The following PTPRB variants were observed in gnomAD, a reference collection of about 807,000 sequenced individuals.
PTPRB encodes receptor-type tyrosine-protein phosphatase beta.
PTPRB carries 97 observed loss-of-function variants against 238.1 expected under a neutral mutation model. The ratio of observed to expected loss-of-function variants is 0.41; its 90% CI spans 0.35 to 0.48. PTPRB has a LOEUF of 0.48. PTPRB is among the 20% of genes least tolerant of loss of function. The pLI is 0.30. For missense variants in PTPRB, 2,292 were observed against 2,681.9 expected (o/e 0.85, Z 3.21); for synonymous variants, 970 against 995.4 (o/e 0.97, Z 0.48).
intron 4 of PTPRB, among the ~76,000 whole-genome samples, chr12:70,601,873 G>A (rs576921895): frequency 2.7e-5 from 4 of 145,812 alleles, no homozygotes; most frequent in African/African-American, 1.0e-4. Flanking sequence ...CTCACTGCAA[G>A]CTCCGCCTCC....
At chr12:70,598,426 A>G (rs987071977) in intron 4 of PTPRB, among the ~76,000 whole-genome samples, 1 of 152,216 alleles carries the variant, frequency 6.6e-6, no homozygotes, top group African/African-American at 2.4e-5. Context: ...GTAATGGCAG[A>G]CAGCATGGGC....
intron 21 of PTPRB, among the ~76,000 whole-genome samples, chr12:70,545,858 T>C (rs1875879786): frequency 1.3e-5 from 2 of 152,290 alleles, no homozygotes; most frequent in South Asian, 4.2e-4. Flanking sequence ...GGAGACAGGC[T>C]GGGAGCGGTG....
At chr12:70,609,535 C>G (rs1383038429) in intron 3 of PTPRB, among the ~76,000 whole-genome samples, 196 bp from the exon 4 acceptor site, 2 of 152,204 alleles carry the variant, frequency 1.3e-5, no homozygotes, top group Non-Finnish European at 2.9e-5. Flanking sequence ...GCTGCTGTCC[C>G]TTGAGAGCAG....
chr12:70,540,748 A>T (rs1236833723), intron 23 of PTPRB, 110 bp downstream of exon 23: 9 of 813,534 alleles, frequency 1.1e-5, no homozygotes, highest in Non-Finnish European at 1.8e-5. Flanking sequence ...GTGACAATTT[A>T]ACCTGGAAAA....
intron 11 of PTPRB, among the ~76,000 whole-genome samples, chr12:70,572,775 T>TAAAAAAAAAAAAAAAAAA (rs10709963): frequency 2.8e-4 from 26 of 93,854 alleles, no homozygotes; most frequent in Non-Finnish European, 4.5e-4. Flanking sequence ...CTCCATCTCA[T>TAAAAAAAAAAAAAAAAAA]AAAAAAAAAA....
intron 21 of PTPRB, among the ~76,000 whole-genome samples, chr12:70,551,864 A>G (rs958045538): frequency 1.3e-5 from 2 of 152,050 alleles, no homozygotes; most frequent in Non-Finnish European, 2.9e-5. Flanking sequence ...AGCACTGCCA[A>G]TTCCTAGGGC....
At chr12:70,528,488 T>TCAAGGGCTGTG (rs1555220728) in intron 32 of PTPRB, among the ~76,000 whole-genome samples, 295 of 151,504 alleles carry the variant, frequency 1.9e-3, no homozygotes, top group Non-Finnish European at 2.4e-3. Context: ...TGAGAGTTGA[T>TCAAGGGCTGTG]CAAGGGCAGT....
At chr12:70,600,101 T>G (rs1325124166) in intron 4 of PTPRB, among the ~76,000 whole-genome samples, 1 of 152,092 alleles carries the variant, frequency 6.6e-6, no homozygotes, top group African/African-American at 2.4e-5. Flanking sequence ...TTTATTGATA[T>G]AGAAATGTCT....
chr12:70,603,902 C>A (rs1006812950), intron 4 of PTPRB, among the ~76,000 whole-genome samples: 1 of 152,158 alleles, frequency 6.6e-6, no homozygotes, highest in African/African-American at 2.4e-5. Context: ...ACCCCCTCCA[C>A]AGGGTTGCCA....
intron 4 of PTPRB, among the ~76,000 whole-genome samples, chr12:70,603,948 T>G (rs1448573829): frequency 6.6e-6 from 1 of 152,220 alleles, no homozygotes; most frequent in South Asian, 2.1e-4. Context: ...GTCAGTATAA[T>G]ATGTATTTCA....
Position 70,555,293 on chromosome 12 carries a change from G to A in PTPRB, c.5010C>T (p.Pro1670=), listed in dbSNP as rs1393482331. The part of the protein sequence containing the change: ...ITMIDRPPPP[P]PHIRVNEKDV... ...CCTTTTCATTCACACGAATGTGTGG[G>A]GGTGGAGGAGGGGGGCCTGGAAAAA... Residue 1670 remains proline, a synonymous_variant, in exon 20 of 34, where the codon CCC becomes CCT. Transcript: ENST00000334414. The A allele has an allele frequency of 6.2e-7, 1 of 1,612,206 alleles. No individual in the cohort carries two copies. The highest frequency in any genetic ancestry group is 8.5e-7 in the Non-Finnish European group (1 of 1,179,512).
In PTPRB at chr12:70,592,278, TCA is replaced by T; in HGVS notation, c.1780+2_1780+3del. 6.8e-6 allele frequency: 11 copies of T among 1,613,956 alleles called. No individual in the cohort carries two copies. Among genetic ancestry groups the T allele is most frequent in the Non-Finnish European group, 8.5e-6 (10 of 1,179,860 alleles). ...CAAGGAACATTCTGGAGCCCAAGAC[TCA>T]CATGTTCTGCCCACTGCCATCTTCT... is the stretch of plus-strand genomic sequence containing the variant. On this transcript the variant is annotated splice_donor_variant and splice_donor_region_variant and intron_variant, in intron 7 of 33. Transcript: ENST00000334414. LOFTEE classifies it high-confidence loss of function.
Position 70,566,693 on chromosome 12 carries a change from C to G in PTPRB, c.3646G>C (p.Val1216Leu), listed in dbSNP as rs1336557418. Residue 1216 changes from valine (V) to leucine (L), a missense_variant, in exon 15 of 34, where the codon GTC becomes CTC. By Grantham distance (32) the Val-to-Leu change is conservative. Around this residue, in one of 4 missense-constraint regions of PTPRB, gnomAD observed 683 missense variants for 862.0 expected, o/e 0.79. Coordinates refer to ENST00000334414, the MANE Select transcript of PTPRB (RefSeq NM_001109754.4). ...GCATTGTCTGCAATTACTCCTTGGA[C>G]AGATGCTGGAACTGCAGAGAGACAA... The part of the protein sequence containing the change: ...NVVGRTVPAS[V>L]QGVIADNAYS... 9.9e-6 allele frequency: 16 copies of G among 1,613,004 alleles called. No individual in the cohort carries two copies. The highest frequency in any genetic ancestry group is 1.4e-5 in the Non-Finnish European group (16 of 1,179,236).
Position 70,563,030 on chromosome 12 carries a change from C to G in PTPRB, c.3982G>C (p.Gly1328Arg), listed in dbSNP as rs753274225. 1 of 1,613,906 alleles carries G rather than the reference C, an allele frequency of 6.2e-7. No individual in the cohort carries two copies. Among genetic ancestry groups the G allele is most frequent in the Non-Finnish European group, 8.5e-7 (1 of 1,179,864 alleles). ...AAGATGTTGTACCAGCTGAGCTCCC[C>G]CTCTGAGGCGGTCCAGCGGAAGGAC... ...HLSFRWTASEGELSWYNIFLY... is the reference protein window; with the variant it reads ...HLSFRWTASERELSWYNIFLY... Residue 1328 changes from glycine (G) to arginine (R), a missense_variant, in exon 16 of 34, where the codon GGG becomes CGG. Transcript: ENST00000334414.
intron 21 of PTPRB, among the ~76,000 whole-genome samples, chr12:70,548,342 TCTCTCACACA>T (rs55998327): frequency 0.37 from 21,261 of 56,770 alleles, 1,789 homozygotes; most frequent in East Asian, 0.52. Flanking sequence ...TCTCTCTCTC[TCTCTCACACA>T]CACACACACA....
rs1432863800 is a variant in PTPRB, at chr12:70,562,876, A to G, written c.4136T>C (p.Leu1379Pro). The G allele has an allele frequency of 6.2e-7, 1 of 1,614,016 alleles. No individual in the cohort carries two copies. Among genetic ancestry groups the G allele is most frequent in the East Asian group, 2.2e-5 (1 of 44,880 alleles). ...KMVIVTHSGE[L>P]SNESFIFGRT... ...ACCAAATATGAAAGACTCATTAGAC[A>G]GCTCCCCACTGTGAGTTACAATCAC... Residue 1379 changes from leucine to proline, a missense_variant, in exon 16 of 34, where the codon CTG (leucine) becomes CCG (proline). Coordinates refer to ENST00000334414, the MANE Select transcript of PTPRB (RefSeq NM_001109754.4).
chr12:70,582,985 T>A (rs947546671), intron 9 of PTPRB, among the ~76,000 whole-genome samples: 4 of 152,160 alleles, frequency 2.6e-5, no homozygotes, highest in Admixed American at 6.5e-5. Context: ...TAAAACCACA[T>A]GAGCTATCAT....
In PTPRB at chr12:70,556,144, AG is replaced by A; in HGVS notation, c.4718del (p.Pro1573LeufsTer59). 1 of 1,611,496 alleles carries A rather than the reference AG, an allele frequency of 6.2e-7. No homozygotes were observed. Among genetic ancestry groups the A allele is most frequent in the Non-Finnish European group, 8.5e-7 (1 of 1,178,290 alleles). ...KPIFGSVRTK[P>X]DKIQNLHCRP... ...GGCAATGCAGGTTTTGTATCTTGTC[AG>A]GCTCTAAAGGAAACAGAGGAGGCAA... is the stretch of plus-strand genomic sequence containing the variant. On this transcript the variant is annotated frameshift_variant, in exon 19 of 34. Transcript: ENST00000334414. LOFTEE classifies it high-confidence loss of function.
At chr12:70,601,069 T>C (rs1043001475) in intron 4 of PTPRB, among the ~76,000 whole-genome samples, 2 of 152,106 alleles carry the variant, frequency 1.3e-5, no homozygotes, top group Non-Finnish European at 2.9e-5. Context: ...GGTTTCATTG[T>C]GTTGGCCAGG....
Sources: allele counts gnomAD v4.1 joint callset (sites outside exome capture counted in the v4.1 genomes callset), GRCh38; gene constraint gnomAD v4.1.1; regional missense constraint gnomAD v4.1.1; transcripts MANE v1.5; gene names NCBI Gene and HGNC (gene_info 2026-07-23, HGNC 2026-07-21).